The following REDIC1 variants were observed in gnomAD, a reference collection of about 807,000 sequenced individuals.
REDIC1 encodes regulator of DNA class I crossover intermediates 1.
the REDIC1 span, chr12:39,760,251 TCCTGCA>T: frequency 6.2e-7 from 1 of 1,609,416 alleles, no homozygotes; most frequent in Admixed American, 1.7e-5. Flanking sequence ...GGAAGAAAGC[TCCTGCA>T]ACGGAATATA....
At chr12:39,681,487 T>G in the REDIC1 span, among the ~76,000 whole-genome samples, 1 of 152,188 alleles carries the variant, frequency 6.6e-6, no homozygotes, top group Non-Finnish European at 1.5e-5. Context: ...AAAAAAAGAT[T>G]TACATTTATA....
the REDIC1 span, among the ~76,000 whole-genome samples, chr12:39,687,151 G>T: frequency 6.6e-6 from 1 of 152,030 alleles, no homozygotes; most frequent in Admixed American, 6.6e-5. Flanking sequence ...CTTATCTTGT[G>T]TTCTTCTGAG....
At chr12:39,697,798 C>A in the REDIC1 span, among the ~76,000 whole-genome samples, 2 of 151,760 alleles carry the variant, frequency 1.3e-5, no homozygotes, top group Non-Finnish European at 2.9e-5. Flanking sequence ...ATTATGTCAC[C>A]AGAGAAAATC....
the REDIC1 span, among the ~76,000 whole-genome samples, chr12:39,735,242 GA>G: frequency 6.6e-6 from 1 of 152,168 alleles, no homozygotes; most frequent in Non-Finnish European, 1.5e-5. Context: ...GGGCCTTGAA[GA>G]GATTCTTAGT....
At chr12:39,732,286 C>A in the REDIC1 span, among the ~76,000 whole-genome samples, 1 of 152,124 alleles carries the variant, frequency 6.6e-6, no homozygotes, top group Non-Finnish European at 1.5e-5. Flanking sequence ...AGATTGCATT[C>A]TTGTGGTGAA....
At chr12:39,712,522 C>A in the REDIC1 span, among the ~76,000 whole-genome samples, 1 of 139,806 alleles carries the variant, frequency 7.2e-6, no homozygotes, top group Non-Finnish European at 1.6e-5. Context: ...CGTATATACA[C>A]GACATATACG....
chr12:39,877,517 C>T, the REDIC1 span, among the ~76,000 whole-genome samples: 8 of 152,282 alleles, frequency 5.3e-5, no homozygotes, highest in Non-Finnish European at 1.0e-4. Flanking sequence ...CAATAACTAT[C>T]ACAAGGGCAT....
the REDIC1 span, among the ~76,000 whole-genome samples, chr12:39,699,605 C>T: frequency 6.6e-6 from 1 of 152,218 alleles, no homozygotes; most frequent in African/African-American, 2.4e-5. Context: ...CACCACAGCT[C>T]AAGGAGGCCT....
the REDIC1 span, among the ~76,000 whole-genome samples, chr12:39,762,659 C>T: frequency 1.3e-5 from 2 of 151,948 alleles, no homozygotes; most frequent in Non-Finnish European, 2.9e-5. Context: ...CAGAGGAATA[C>T]ACGATTAGGA....
At chr12:39,895,551 T>TATATAC in the REDIC1 span, among the ~76,000 whole-genome samples, 12 of 66,766 alleles carry the variant, frequency 1.8e-4, no homozygotes, top group African/African-American at 7.5e-4. Flanking sequence ...TATATATATA[T>TATATAC]ACACACACAC....
the REDIC1 span, among the ~76,000 whole-genome samples, chr12:39,898,961 G>A: frequency 3.2e-4 from 49 of 152,264 alleles, no homozygotes; most frequent in Non-Finnish European, 3.2e-4. Context: ...TTGTGTCTCT[G>A]CCTGGCTTTG....
At chr12:39,635,419 T>A in the REDIC1 span, among the ~76,000 whole-genome samples, 1 of 152,184 alleles carries the variant, frequency 6.6e-6, no homozygotes, top group African/African-American at 2.4e-5. Flanking sequence ...GTAGACTGAA[T>A]TAAGAAAATG....
the REDIC1 span, among the ~76,000 whole-genome samples, chr12:39,846,619 T>C: frequency 3.9e-5 from 6 of 152,148 alleles, no homozygotes; most frequent in Non-Finnish European, 5.9e-5. Context: ...GTGTGGCTAA[T>C]TTTTTGTATT....
the REDIC1 span, among the ~76,000 whole-genome samples, chr12:39,714,428 C>G: frequency 6.6e-6 from 1 of 151,150 alleles, no homozygotes; most frequent in African/African-American, 2.4e-5. Flanking sequence ...TATATACACA[C>G]ACATATTGTG....
chr12:39,862,779 TA>T, the REDIC1 span, among the ~76,000 whole-genome samples: 37 of 152,304 alleles, frequency 2.4e-4, no homozygotes, highest in African/African-American at 8.7e-4. Flanking sequence ...TTAATACAAG[TA>T]TACAATGTGT....
the REDIC1 span, among the ~76,000 whole-genome samples, chr12:39,895,516 A>T: frequency 3.3e-3 from 4 of 1,222 alleles, no homozygotes; most frequent in Non-Finnish European, 5.1e-3. Context: ...AAAAAAAATT[A>T]TATATATATA....
At chr12:39,813,702 A>G in the REDIC1 span, among the ~76,000 whole-genome samples, 2 of 152,194 alleles carry the variant, frequency 1.3e-5, no homozygotes, top group Admixed American at 1.3e-4. Flanking sequence ...TTATTGGAGT[A>G]GTGGGGGATG....
the REDIC1 span, chr12:39,754,911 G>A: frequency 6.6e-6 from 1 of 151,980 alleles, no homozygotes; most frequent in Non-Finnish European, 1.5e-5. Context: ...ATTAAAATGA[G>A]TAGGACTGCA....
chr12:39,683,109 C>A, the REDIC1 span: 1 of 1,608,008 alleles, frequency 6.2e-7, no homozygotes, highest in South Asian at 1.1e-5. Context: ...CTTTTGAGAA[C>A]GATTACTACC....
Sources: allele counts gnomAD v4.1 joint callset (sites outside exome capture counted in the v4.1 genomes callset), GRCh38; gene constraint gnomAD v4.1.1; transcripts MANE v1.5; gene names NCBI Gene and HGNC (gene_info 2026-07-23, HGNC 2026-07-21).